The following NALF1 variants were observed in gnomAD, a reference collection of about 807,000 sequenced individuals.
NALF1 encodes family with sequence similarity 155 member A.
In NALF1, 3 loss-of-function variants were observed where a neutral mutation model predicts 48.4. The ratio of observed to expected loss-of-function variants is 0.06; its 90% CI spans 0.03 to 0.16. The LOEUF is 0.16. Among genes scored for constraint, NALF1 ranks in the 10% least tolerant of loss-of-function variants. The pLI is 1.00. For missense variants in NALF1, 526 were observed against 571.5 expected (o/e 0.92, Z 0.81); for synonymous variants, 262 against 245.7 (o/e 1.07, Z -0.62).
intron 1 of NALF1, among the ~76,000 whole-genome samples, chr13:107,636,729 T>A (rs1370134732): frequency 6.6e-6 from 1 of 151,914 alleles, no homozygotes; most frequent in Non-Finnish European, 1.5e-5. Context: ...TCTATACTTT[T>A]TTCCAGTACA....
rs141020089 is a variant in NALF1 at position 107,499,721 on chromosome 13, C to T, written c.916-288966G>A. Among the ~76,000 whole-genome samples the T allele has an allele frequency of 6.4e-3, 979 of 152,262 alleles. 11 individuals carry two copies. The highest frequency in any genetic ancestry group is 0.022 in the African/African-American group (898 of 41,558). On this transcript the variant is annotated intron_variant, in intron 1 of 2. Coordinates refer to ENST00000375915, the MANE Select transcript of NALF1 (RefSeq NM_001080396.3). Reference sequence around the variant, plus strand: ...GAAAAAATAATCAGTTACTTCCTTACGGCTTGCTTTTTTTCTTGTTATTCT... The same window carrying T: ...GAAAAAATAATCAGTTACTTCCTTATGGCTTGCTTTTTTTCTTGTTATTCT...
In NALF1 at chr13:107,469,261, TGAGA is replaced by T. The variant is rs1369410816; in HGVS notation, c.916-258510_916-258507del. Among the ~76,000 whole-genome samples, 12 of 152,350 alleles carry T rather than the reference TGAGA, an allele frequency of 7.9e-5. No individual in the cohort carries two copies. In the East Asian group the frequency reaches 2.1e-3, roughly 27 times the overall value. On this transcript the variant is annotated intron_variant, in intron 1 of 2. Transcript: ENST00000375915. Reference sequence around the variant, plus strand: ...ATATAAATTCTTTAAATATGACCTTTGAGAGAGAAATCAAAGATTTTATCATTTA... The same window carrying T: ...ATATAAATTCTTTAAATATGACCTTTGAGAAATCAAAGATTTTATCATTTA...
At chr13:107,801,031 C>G (rs1878597506) in intron 1 of NALF1, among the ~76,000 whole-genome samples, 2 of 152,130 alleles carry the variant, frequency 1.3e-5, no homozygotes, top group Admixed American at 1.3e-4. Flanking sequence ...CACTACAAGT[C>G]CTACACAATC....
chr13:107,598,358 C>T (rs1878816601), intron 1 of NALF1, among the ~76,000 whole-genome samples: 1 of 152,164 alleles, frequency 6.6e-6, no homozygotes, highest in Non-Finnish European at 1.5e-5. Context: ...AACTGAAATG[C>T]CTATGCTCAT....
chr13:107,668,792 T>C (rs1285475591), intron 1 of NALF1, among the ~76,000 whole-genome samples: 1 of 152,058 alleles, frequency 6.6e-6, no homozygotes, highest in Non-Finnish European at 1.5e-5. Flanking sequence ...TTTTCATTTA[T>C]AATTTAGTTA....
chr13:107,235,610 CAA>C (rs150831865), intron 1 of NALF1, among the ~76,000 whole-genome samples: 112 of 152,264 alleles, frequency 7.4e-4, no homozygotes, highest in African/African-American at 2.6e-3. Context: ...AGAATAATGA[CAA>C]GAGAAAAGTC....
intron 1 of NALF1, among the ~76,000 whole-genome samples, chr13:107,532,171 GAA>G (rs1439380899): frequency 6.6e-6 from 1 of 151,082 alleles, no homozygotes; most frequent in African/African-American, 2.4e-5. Context: ...AAATGAAAGA[GAA>G]AGAAAGTGAA....
At chr13:107,764,734 G>A (rs1012863144) in intron 1 of NALF1, among the ~76,000 whole-genome samples, 8 of 152,164 alleles carry the variant, frequency 5.3e-5, no homozygotes, top group African/African-American at 1.9e-4. Context: ...ACCATGATCT[G>A]TATGATTGGT....
At chr13:107,291,800 C>T (rs1881626547) in intron 1 of NALF1, among the ~76,000 whole-genome samples, 1 of 152,048 alleles carries the variant, frequency 6.6e-6, no homozygotes. Flanking sequence ...AAAAGGAAAA[C>T]ATTTTTAAAA....
intron 1 of NALF1, among the ~76,000 whole-genome samples, chr13:107,399,102 T>A (rs904983406): frequency 6.6e-6 from 1 of 152,108 alleles, no homozygotes; most frequent in Non-Finnish European, 1.5e-5. Context: ...GCGCACCGTA[T>A]TTACTGTAGA....
intron 1 of NALF1, among the ~76,000 whole-genome samples, chr13:107,252,082 G>A (rs1005678563): frequency 2.0e-5 from 3 of 152,166 alleles, no homozygotes; most frequent in Non-Finnish European, 4.4e-5. Context: ...CCTGGTGGAA[G>A]TGGAGCCTCT....
intron 1 of NALF1, among the ~76,000 whole-genome samples, chr13:107,759,823 T>A (rs1222177016): frequency 6.6e-6 from 1 of 152,090 alleles, no homozygotes; most frequent in Non-Finnish European, 1.5e-5. Flanking sequence ...TCCCAGAGAA[T>A]CTGTTATTCT....
At chr13:107,680,567 T>C (rs1238245589) in intron 1 of NALF1, among the ~76,000 whole-genome samples, 1 of 151,434 alleles carries the variant, frequency 6.6e-6, no homozygotes, top group Non-Finnish European at 1.5e-5. Flanking sequence ...AGAATGTGTG[T>C]GAATGAGGGT....
At chr13:107,316,806 T>C (rs1005341844) in intron 1 of NALF1, among the ~76,000 whole-genome samples, 7 of 152,122 alleles carry the variant, frequency 4.6e-5, no homozygotes, top group Non-Finnish European at 1.0e-4. Flanking sequence ...GACTTAAAGC[T>C]GAGTTTTCTC....
intron 2 of NALF1, among the ~76,000 whole-genome samples, chr13:107,204,926 G>A (rs1440259636): frequency 6.6e-6 from 1 of 151,302 alleles, no homozygotes; most frequent in African/African-American, 2.4e-5. Context: ...AAATTGAAAC[G>A]GCATAAATGT....
intron 1 of NALF1, among the ~76,000 whole-genome samples, chr13:107,832,517 G>A (rs1175365123): frequency 6.6e-6 from 1 of 152,062 alleles, no homozygotes; most frequent in East Asian, 1.9e-4. Flanking sequence ...AATCTAATAT[G>A]TACAAAACTG....
At chr13:107,782,237 T>A (rs896484126) in intron 1 of NALF1, among the ~76,000 whole-genome samples, 14 of 152,210 alleles carry the variant, frequency 9.2e-5, no homozygotes, top group Admixed American at 1.3e-4. Flanking sequence ...TATTTTTTGG[T>A]GGAGACGGGG....
chr13:107,213,814 CTG>C (rs755696749), intron 1 of NALF1, among the ~76,000 whole-genome samples: 27 of 152,282 alleles, frequency 1.8e-4, no homozygotes, highest in African/African-American at 5.5e-4. Context: ...CACCTGAAAA[CTG>C]TGTTATGTGA....
Position 107,329,825 on chromosome 13 carries a change from G to C in NALF1, c.916-119070C>G, listed in dbSNP as rs1289814332. Among the ~76,000 whole-genome samples, 8 of 152,242 alleles carry C rather than the reference G, an allele frequency of 5.3e-5. No homozygotes were observed. The South Asian group carries it at 1.7e-3, about 32-fold the overall frequency. On this transcript the variant is annotated intron_variant, in intron 1 of 2. Coordinates refer to ENST00000375915, the MANE Select transcript of NALF1 (RefSeq NM_001080396.3). The stretch of plus-strand genomic sequence containing the variant: ...TAGCTTCATCCATGTCCCTACAAAA[G>C]ACATGAACTCATCATTTTTTATGGC...
Sources: allele counts gnomAD v4.1 joint callset (sites outside exome capture counted in the v4.1 genomes callset), GRCh38; gene constraint gnomAD v4.1.1; transcripts MANE v1.5; gene names NCBI Gene and HGNC (gene_info 2026-07-23, HGNC 2026-07-21).